NELL2: variants seen among roughly 807,000 people sequenced by gnomAD.
NELL2 encodes protein kinase C-binding protein NELL2.
A neutral mutation model predicts 109.6 loss-of-function variants in NELL2; 41 were observed. The ratio of observed to expected loss-of-function variants is 0.37; its 90% CI spans 0.29 to 0.49. The LOEUF (loss-of-function observed/expected upper bound fraction) is 0.49. Among genes scored for constraint, NELL2 ranks in the 20% least tolerant of loss-of-function variants. The pLI is 0.98. For synonymous variants in NELL2, 355 were observed against 344.7 expected, an observed-to-expected ratio of 1.03 and a Z score of -0.33; for missense variants, 900 against 1,008.3, an observed-to-expected ratio of 0.89 and a Z score of 1.45.
intron 2 of NELL2, among the ~76,000 whole-genome samples, chr12:44,818,725 A>ATTTTTTTTTTTTTTTT (rs1409987918): frequency 2.8e-5 from 2 of 72,146 alleles, no homozygotes; most frequent in African/African-American, 5.3e-5. Context: ...TTGTTCACTT[A>ATTTTTTTTTTTTTTTT]TTTTTTTTTT....
intron 2 of NELL2, among the ~76,000 whole-genome samples, chr12:44,849,326 T>C (rs1490693810): frequency 6.6e-6 from 1 of 151,622 alleles, no homozygotes; most frequent in Admixed American, 6.6e-5. Context: ...AATGAAAAAA[T>C]CCTACAAACC....
chr12:44,738,870 T>C (rs1939790106), intron 9 of NELL2, among the ~76,000 whole-genome samples: 1 of 152,208 alleles, frequency 6.6e-6, no homozygotes, highest in Non-Finnish European at 1.5e-5. Flanking sequence ...GCTGAATTAG[T>C]GAATCATTTT....
At chr12:44,648,248 C>T (rs1039275932) in intron 13 of NELL2, among the ~76,000 whole-genome samples, 1 of 152,152 alleles carries the variant, frequency 6.6e-6, no homozygotes, top group East Asian at 1.9e-4. Flanking sequence ...AATTTAACTG[C>T]TAAATCCTCA....
At chr12:44,568,632 A>T (rs1283904668) in intron 15 of NELL2, among the ~76,000 whole-genome samples, 9 of 152,048 alleles carry the variant, frequency 5.9e-5, no homozygotes, top group Admixed American at 5.9e-4. Flanking sequence ...AATTAATGAA[A>T]TTGTTTCTGA....
In NELL2 at chr12:44,726,273, G is replaced by A. The variant is rs148744643; in HGVS notation, c.995-11532C>T. Among the ~76,000 whole-genome samples, 845 of 152,268 alleles carry A rather than the reference G, an allele frequency of 5.5e-3. 13 individuals carry two copies. Among genetic ancestry groups the A allele is most frequent in the African/African-American group, 0.019 (792 of 41,546 alleles). ...AATGAAACAAATCATCAGGAACTCC[G>A]CTAGATGTATTTCTTTAAGTTTTGT... On this transcript the variant is annotated intron_variant, in intron 9 of 19. Coordinates refer to ENST00000429094, the MANE Select transcript of NELL2 (RefSeq NM_001145108.2).
At chr12:44,774,139 T>C (rs1056780884) in intron 9 of NELL2, among the ~76,000 whole-genome samples, 1 of 152,250 alleles carries the variant, frequency 6.6e-6, no homozygotes, top group Non-Finnish European at 1.5e-5. Flanking sequence ...CCATTATTTA[T>C]TGAACGATCT....
chr12:44,692,110 G>A (rs540717748), intron 12 of NELL2, among the ~76,000 whole-genome samples: 2 of 152,288 alleles, frequency 1.3e-5, no homozygotes, highest in African/African-American at 4.8e-5. Flanking sequence ...AGAAGTCAAT[G>A]CTGGCTTCAT....
At chr12:44,595,833 G>A (rs1215180987) in intron 15 of NELL2, among the ~76,000 whole-genome samples, 1 of 152,068 alleles carries the variant, frequency 6.6e-6, no homozygotes, top group East Asian at 1.9e-4. Flanking sequence ...TGAATATTGA[G>A]AAAATCGGCA....
At chr12:44,546,812 C>T (rs573823285) in intron 15 of NELL2, among the ~76,000 whole-genome samples, 1 of 152,240 alleles carries the variant, frequency 6.6e-6, no homozygotes, top group East Asian at 1.9e-4. Context: ...ATCTTACAGA[C>T]TCAGCTTAAT....
chr12:44,644,608 G>GTATATATATATATATATATATATA (rs1180129986), intron 13 of NELL2, among the ~76,000 whole-genome samples: 3 of 90,820 alleles, frequency 3.3e-5, no homozygotes, highest in African/African-American at 1.4e-4. Context: ...ATATATGTAT[G>GTATATATATATATATATATATATA]TATATATATA....
intron 13 of NELL2, among the ~76,000 whole-genome samples, chr12:44,629,297 T>A (rs1203481259): frequency 2.0e-5 from 3 of 152,182 alleles, no homozygotes; most frequent in Admixed American, 6.5e-5. Flanking sequence ...TCTCAGAATT[T>A]AAAAAAATTA....
chr12:44,554,782 C>A (rs12231246), intron 15 of NELL2, among the ~76,000 whole-genome samples: 49,244 of 152,016 alleles, frequency 0.32, 9,740 homozygotes, highest in East Asian at 0.63. Context: ...CTGTCCTTCC[C>A]AAAGGAGCCA....
intron 13 of NELL2, among the ~76,000 whole-genome samples, chr12:44,646,197 C>T (rs999973512): frequency 6.6e-6 from 1 of 152,080 alleles, no homozygotes; most frequent in South Asian, 2.1e-4. Flanking sequence ...CTCATCTAAT[C>T]CTTACAGCAA....
chr12:44,667,924 A>G (rs1030276718), intron 12 of NELL2, among the ~76,000 whole-genome samples: 3 of 152,200 alleles, frequency 2.0e-5, no homozygotes, highest in African/African-American at 7.2e-5. Flanking sequence ...GAAACTGCCT[A>G]GAATCCATAG....
chr12:44,515,579 C>T (rs1183050187), intron 19 of NELL2, among the ~76,000 whole-genome samples: 1 of 151,832 alleles, frequency 6.6e-6, no homozygotes, highest in Admixed American at 6.6e-5. Flanking sequence ...ATTTATCAAA[C>T]TCATCAAACT....
At chr12:44,886,115 GGAAGGA>G (rs1945469563) in intron 1 of NELL2, among the ~76,000 whole-genome samples, 1 of 146,320 alleles carries the variant, frequency 6.8e-6, no homozygotes, top group Non-Finnish European at 1.5e-5. Context: ...AAGGAAGGAA[GGAAGGA>G]AGGAAGGAAG....
chr12:44,577,401 T>G (rs1944137670), intron 15 of NELL2, among the ~76,000 whole-genome samples: 1 of 147,700 alleles, frequency 6.8e-6, no homozygotes, highest in Non-Finnish European at 1.5e-5. Context: ...TTGTTTGTTT[T>G]TTTCTTGTAA....
intron 15 of NELL2, among the ~76,000 whole-genome samples, chr12:44,600,476 TTC>T (rs1259575988): frequency 2.0e-5 from 3 of 152,178 alleles, no homozygotes; most frequent in Admixed American, 6.5e-5. Flanking sequence ...TCAACAACGT[TTC>T]TCCAGCATAT....
intron 9 of NELL2, among the ~76,000 whole-genome samples, chr12:44,744,739 T>C (rs1046833065): frequency 1.5e-4 from 23 of 152,174 alleles, no homozygotes; most frequent in Admixed American, 5.2e-4. Context: ...TACATCCTCC[T>C]AAGACTAAAC....
Sources: gnomAD v4.1 joint callset for allele counts (sites outside exome capture counted in the v4.1 genomes callset) on GRCh38, gnomAD v4.1.1 for gene constraint, MANE v1.5 for transcripts, NCBI Gene and HGNC (gene_info 2026-07-23, HGNC 2026-07-21) for gene names.